Variants in EPHA6 observed in about 807,000 individuals in gnomAD.
EPHA6 encodes EPH receptor A6.
A neutral mutation model predicts 112.0 loss-of-function variants in EPHA6; 50 were observed. The ratio of observed to expected loss-of-function variants is 0.45; its 90% CI spans 0.36 to 0.56. EPHA6 has a LOEUF of 0.56. Among genes scored for constraint, EPHA6 ranks in the 20% least tolerant of loss-of-function variants. The pLI is 0.00. For missense variants in EPHA6, 1,280 were observed against 1,417.4 expected, an observed-to-expected ratio of 0.90 and a Z score of 1.56; for synonymous variants, 529 against 490.7, an observed-to-expected ratio of 1.08 and a Z score of -1.03.
At position 96,814,768 on chromosome 3, in the gene EPHA6, C is replaced by T. The variant is rs756647975; in HGVS notation, c.145C>T (p.Pro49Ser). The change falls in exon 1 of 18, where the codon CCC becomes TCC. Residue 49 changes from proline to serine, a missense_variant. Around this residue, in one of 4 missense-constraint regions of EPHA6, gnomAD observed 220 missense variants for 171.5 expected, o/e 1.28. Coordinates refer to ENST00000389672, the MANE Select transcript of EPHA6 (RefSeq NM_001080448.3). ...CTCGCGCAGGGGGCGCCCCGGGACA[C>T]CCCCTGCGGGCCGGGTGGAGGAGGA... ...GTSRRGRPGTPPAGRVEEEEE... is the reference protein window; with the variant it reads ...GTSRRGRPGTSPAGRVEEEEE... 4.4e-6 allele frequency: 7 copies of T among 1,602,328 alleles called. No individual in the cohort carries two copies. Among genetic ancestry groups the T allele is most frequent in the Non-Finnish European group, 6.0e-6 (7 of 1,173,374 alleles).
chr3:97,741,739 G>A (rs1422591245), intron 16 of EPHA6, among the ~76,000 whole-genome samples: 1 of 151,998 alleles, frequency 6.6e-6, no homozygotes, highest in Non-Finnish European at 1.5e-5. Flanking sequence ...GTACAACACT[G>A]CTTCAAAAAT....
chr3:97,307,841 A>G (rs2081383847), intron 5 of EPHA6, among the ~76,000 whole-genome samples: 2 of 151,760 alleles, frequency 1.3e-5, no homozygotes, highest in African/African-American at 4.8e-5. Flanking sequence ...ATTTTATTCT[A>G]CATTTCAAAC....
chr3:97,047,719 A>G (rs1386201991), intron 3 of EPHA6, among the ~76,000 whole-genome samples: 3 of 152,002 alleles, frequency 2.0e-5, no homozygotes, highest in Admixed American at 6.6e-5. Context: ...GTAAAATAGT[A>G]GTACAGAGTA....
At chr3:97,092,487 C>T (rs2047103775) in intron 3 of EPHA6, among the ~76,000 whole-genome samples, 1 of 152,004 alleles carries the variant, frequency 6.6e-6, no homozygotes, top group Non-Finnish European at 1.5e-5. Context: ...AGTTTTCCCT[C>T]AAATACCAGT....
intron 2 of EPHA6, among the ~76,000 whole-genome samples, chr3:96,977,885 A>T (rs1178379117): frequency 6.6e-6 from 1 of 152,168 alleles, no homozygotes; most frequent in Non-Finnish European, 1.5e-5. Context: ...ATAGCTGGGC[A>T]TGCTGCCTCA....
Position 96,866,852 on chromosome 3 carries a change from TG to T in EPHA6, c.416del (p.Gly139GlufsTer3). ...GTGTTGCTTGATACAACAACTGTAC[TG>T]GGAGAGCTAGGATGGAAAACATATC... is the stretch of plus-strand genomic sequence containing the variant. The part of the protein sequence containing the change: ...QVVLLDTTTV[L>X]GELGWKTYPL... On this transcript the variant is annotated frameshift_variant, in exon 2 of 18. Transcript: ENST00000389672. LOFTEE classifies it high-confidence loss of function. 6.7e-7 allele frequency: 1 copy of T among 1,493,462 alleles called. No individual in the cohort carries two copies. The highest frequency in any genetic ancestry group is 1.4e-5 in the South Asian group (1 of 73,084). 92.5% of individuals were successfully genotyped at this position (1,493,462 alleles called of 1,614,324 possible). A position where few individuals can be genotyped will look rare whatever the true frequency, so the allele number is the denominator to read the frequency against.
At chr3:97,276,889 C>G (rs1047746116) in intron 5 of EPHA6, among the ~76,000 whole-genome samples, 11 of 152,034 alleles carry the variant, frequency 7.2e-5, no homozygotes, top group African/African-American at 2.7e-4. Context: ...GCTCCAGCCA[C>G]CAATTGCTGG....
chr3:97,359,078 T>C (rs1413965810), intron 5 of EPHA6, among the ~76,000 whole-genome samples: 1 of 151,908 alleles, frequency 6.6e-6, no homozygotes, highest in Non-Finnish European at 1.5e-5. Context: ...AGCTTGGATA[T>C]TTATATCCAT....
rs974011718 is a variant in EPHA6, at chr3:97,308,205, C to A, written c.1606+63918C>A. Among the ~76,000 whole-genome samples the A allele has an allele frequency of 1.7e-4, 26 of 151,724 alleles. No individual in the cohort carries two copies. In the South Asian group the frequency reaches 3.7e-3, roughly 22 times the overall value. ...TCCTTAACTCAAGCCATGATTATTT[C>A]TCATCTGTATGATTATAGTAATCGG... On this transcript the variant is annotated intron_variant, in intron 5 of 17. Transcript: ENST00000389672.
intron 7 of EPHA6, among the ~76,000 whole-genome samples, chr3:97,468,758 C>A (rs2091137951): frequency 6.6e-6 from 1 of 151,602 alleles, no homozygotes; most frequent in Non-Finnish European, 1.5e-5. Context: ...TAGCCAAGGG[C>A]ATTTTATCCT....
intron 3 of EPHA6, among the ~76,000 whole-genome samples, chr3:97,010,789 C>G (rs1045612942): frequency 1.1e-4 from 17 of 152,188 alleles, no homozygotes; most frequent in African/African-American, 4.1e-4. Flanking sequence ...CTCCAAGTAG[C>G]TGGGACTACA....
At chr3:97,312,428 A>G (rs980853780) in intron 5 of EPHA6, among the ~76,000 whole-genome samples, 5 of 151,566 alleles carry the variant, frequency 3.3e-5, no homozygotes, top group African/African-American at 7.2e-5. Flanking sequence ...CTAAAATCCA[A>G]AATTCAAAAC....
At chr3:97,254,776 T>A (rs1401644302) in intron 5 of EPHA6, among the ~76,000 whole-genome samples, 2 of 152,316 alleles carry the variant, frequency 1.3e-5, no homozygotes, top group East Asian at 3.9e-4. Flanking sequence ...TTTAACTGAC[T>A]CTTTTAAGAT....
chr3:97,169,019 G>C (rs2076617995), intron 3 of EPHA6, among the ~76,000 whole-genome samples: 1 of 152,140 alleles, frequency 6.6e-6, no homozygotes, highest in South Asian at 2.1e-4. Flanking sequence ...AGTACTTGTA[G>C]AGTGGCATCT....
At chr3:97,322,520 G>C (rs542863833) in intron 5 of EPHA6, among the ~76,000 whole-genome samples, 1 of 151,892 alleles carries the variant, frequency 6.6e-6, no homozygotes, top group Non-Finnish European at 1.5e-5. Context: ...TCTGGGTTTC[G>C]TGTTTGCAAG....
In EPHA6 at chr3:96,814,906, A is replaced by AT; in HGVS notation, c.284dup (p.Met95IlefsTer39). 1 of 1,553,256 alleles carries AT rather than the reference A, an allele frequency of 6.4e-7. No homozygotes were observed. Among genetic ancestry groups the AT allele is most frequent in the South Asian group, 1.2e-5 (1 of 84,158 alleles). ...GAGGAAAAGAGAGCCTAGGAGAACCATGGGGGGCTGCGAAGTCCGGGAATT... is the reference window on the plus strand; with the variant it reads ...GAGGAAAAGAGAGCCTAGGAGAACCATTGGGGGGCTGCGAAGTCCGGGAATT... On this transcript the variant is annotated frameshift_variant, in exon 1 of 18. Transcript: ENST00000389672. LOFTEE classifies it high-confidence loss of function.
intron 14 of EPHA6, among the ~76,000 whole-genome samples, chr3:97,689,802 C>A (rs2032531720): frequency 6.6e-6 from 1 of 152,150 alleles, no homozygotes; most frequent in South Asian, 2.1e-4. Context: ...CATTCCCCAT[C>A]CCCTTCCCGC....
intron 3 of EPHA6, among the ~76,000 whole-genome samples, chr3:97,124,262 T>C (rs868282024): frequency 4.5e-4 from 68 of 151,970 alleles, no homozygotes; most frequent in African/African-American, 1.5e-3. Context: ...CAAGACATCT[T>C]TTTCCAGATG....
chr3:97,122,663 A>G (rs1559741747), intron 3 of EPHA6, among the ~76,000 whole-genome samples: 1 of 152,092 alleles, frequency 6.6e-6, no homozygotes, highest in Non-Finnish European at 1.5e-5. Flanking sequence ...AAAGATTACA[A>G]AAGATTGTAT....
Sources: allele counts gnomAD v4.1 joint callset (sites outside exome capture counted in the v4.1 genomes callset), GRCh38; gene constraint gnomAD v4.1.1; regional missense constraint gnomAD v4.1.1; transcripts MANE v1.5; gene names NCBI Gene and HGNC (gene_info 2026-07-23, HGNC 2026-07-21).